CATSPERB: variants seen among roughly 807,000 people sequenced by gnomAD.
CATSPERB encodes the protein catsper channel auxiliary subunit beta, also known as cation channel sperm-associated auxiliary subunit beta.
A neutral mutation model predicts 128.3 loss-of-function variants in CATSPERB; 93 were observed. The observed-to-expected ratio is 0.72, with a 90% CI of 0.61 to 0.86. The LOEUF (loss-of-function observed/expected upper bound fraction) is 0.86. CATSPERB is among the 40% of genes least tolerant of loss of function. The pLI, the probability that CATSPERB is intolerant of heterozygous loss-of-function variation, is 0.00. For synonymous variants in CATSPERB, 381 were observed against 448.8 expected (o/e 0.85, Z 1.91); for missense variants, 1,153 against 1,329.5 (o/e 0.87, Z 2.06).
intron 15 of CATSPERB, among the ~76,000 whole-genome samples, chr14:91,648,224 T>C (rs1270515259): frequency 6.6e-6 from 1 of 152,198 alleles, no homozygotes; most frequent in Non-Finnish European, 1.5e-5. Flanking sequence ...AAATCTTACA[T>C]TTTCCAGTAT....
chr14:91,700,065 T>C (rs1433787586), intron 7 of CATSPERB, among the ~76,000 whole-genome samples: 1 of 152,128 alleles, frequency 6.6e-6, no homozygotes, highest in African/African-American at 2.4e-5. Context: ...ATATTTCTCC[T>C]AATGCTATCC....
intron 22 of CATSPERB, among the ~76,000 whole-genome samples, chr14:91,595,460 C>A (rs1211499978): frequency 6.6e-6 from 1 of 152,106 alleles, no homozygotes; most frequent in African/African-American, 2.4e-5. Context: ...AGCCACCGCA[C>A]CCAGCCCAGA....
chr14:91,686,775 C>T (rs1264494059), intron 10 of CATSPERB, among the ~76,000 whole-genome samples: 1 of 152,130 alleles, frequency 6.6e-6, no homozygotes, highest in Non-Finnish European at 1.5e-5. Context: ...ATCTATATGT[C>T]TGGACACATA....
intron 22 of CATSPERB, chr14:91,605,378 G>A (rs1893681524): frequency 6.8e-6 from 4 of 590,192 alleles, no homozygotes; most frequent in Non-Finnish European, 9.0e-6. Flanking sequence ...AAAGGTTAAG[G>A]TGGCTTTAAG....
At position 91,731,237 on chromosome 14, in the gene CATSPERB, T is replaced by C. The variant is rs1167464617; in HGVS notation, c.-1+693A>G. Among the ~76,000 whole-genome samples the C allele has an allele frequency of 3.3e-5, 5 of 152,242 alleles. No homozygotes were observed. In the South Asian group the frequency reaches 8.3e-4, roughly 25 times the overall value. On this transcript the variant is annotated intron_variant, in intron 1 of 26. Transcript: ENST00000256343. ...ATGTCAGCAAGCTTGTTCTGCAAGC[T>C]TTCTTATCTGCCATCCTGCAAGCTC...
intron 22 of CATSPERB, 23 bp from the exon 23 acceptor site, chr14:91,592,025 T>G: frequency 6.8e-7 from 1 of 1,468,672 alleles, no homozygotes; most frequent in Non-Finnish European, 9.5e-7. Flanking sequence ...GTAACAGATG[T>G]TGACTTGTTT....
At chr14:91,645,907 G>A (rs1450715011) in intron 15 of CATSPERB, among the ~76,000 whole-genome samples, 5 of 145,842 alleles carry the variant, frequency 3.4e-5, no homozygotes, top group African/African-American at 7.6e-5. Context: ...ATATAGTCTC[G>A]TGGTGCGCCA....
At chr14:91,589,780 A>C (rs1893365579) in intron 23 of CATSPERB, 111 bp from the exon 24 acceptor site, 1 of 962,870 alleles carries the variant, frequency 1.0e-6, no homozygotes, top group African/African-American at 1.6e-5. Context: ...GTTCAATGAC[A>C]TGTGCTCCTG....
chr14:91,603,504 A>T, intron 22 of CATSPERB: 1 of 1,026,248 alleles, frequency 9.7e-7, no homozygotes, highest in East Asian at 2.4e-5. Context: ...AAAACTCTGC[A>T]GCTGAAATGC....
chr14:91,619,122 A>G (rs180828101), intron 19 of CATSPERB, among the ~76,000 whole-genome samples: 1 of 152,332 alleles, frequency 6.6e-6, no homozygotes, highest in African/African-American at 2.4e-5. Context: ...GGTGTTGGTG[A>G]CAGAATATAG....
At chr14:91,696,688 C>T (rs888680112) in intron 7 of CATSPERB, among the ~76,000 whole-genome samples, 5 of 151,994 alleles carry the variant, frequency 3.3e-5, no homozygotes, top group South Asian at 2.1e-4. Context: ...TCTATCCTAA[C>T]GGATACAATC....
chr14:91,660,125 C>T (rs1894851790), intron 14 of CATSPERB, 144 bp from the exon 15 acceptor site: 2 of 615,206 alleles, frequency 3.3e-6, no homozygotes, highest in Non-Finnish European at 5.6e-6. Context: ...CTCACACACA[C>T]ACACACACAC....
chr14:91,673,881 CAAAAA>C (rs139506642), intron 12 of CATSPERB, among the ~76,000 whole-genome samples: 3 of 136,448 alleles, frequency 2.2e-5, no homozygotes, highest in Non-Finnish European at 3.2e-5. Flanking sequence ...GACTCTGTCT[CAAAAA>C]AAAAAAAAAT....
At chr14:91,705,070 T>C (rs1895713347) in intron 6 of CATSPERB, among the ~76,000 whole-genome samples, 1 of 152,196 alleles carries the variant, frequency 6.6e-6, no homozygotes, top group African/African-American at 2.4e-5. Context: ...TTACTTTTTG[T>C]TCTCTTCCCA....
intron 11 of CATSPERB, among the ~76,000 whole-genome samples, chr14:91,682,326 C>T (rs1042750142): frequency 2.0e-5 from 3 of 152,164 alleles, no homozygotes; most frequent in Non-Finnish European, 4.4e-5. Flanking sequence ...ATATGCTGTA[C>T]ACAGTGGTGT....
intron 17 of CATSPERB, among the ~76,000 whole-genome samples, chr14:91,634,515 A>T (rs1423529251): frequency 2.6e-5 from 4 of 151,892 alleles, no homozygotes; most frequent in Non-Finnish European, 2.9e-5. Flanking sequence ...ACTACTGGTT[A>T]TCTACCCAAA....
chr14:91,629,342 G>T (rs75357765), intron 17 of CATSPERB, among the ~76,000 whole-genome samples: 1,588 of 152,308 alleles, frequency 0.01, 32 homozygotes, highest in African/African-American at 0.037. Flanking sequence ...ACAGCAAAAA[G>T]ATCGGTGGTT....
At chr14:91,722,863 T>C (rs1048553147) in intron 4 of CATSPERB, among the ~76,000 whole-genome samples, 186 bp downstream of exon 4, 2 of 152,130 alleles carry the variant, frequency 1.3e-5, no homozygotes, top group Admixed American at 1.3e-4. Context: ...AATAAGTATT[T>C]CTTCTTCTTT....
chr14:91,692,038 G>A (rs997609926), intron 9 of CATSPERB, among the ~76,000 whole-genome samples: 3 of 152,164 alleles, frequency 2.0e-5, no homozygotes, highest in East Asian at 3.9e-4. Context: ...TTAACTGGGC[G>A]TGGTGGTGCA....
Sources: gnomAD v4.1 joint callset for allele counts (sites outside exome capture counted in the v4.1 genomes callset) on GRCh38, gnomAD v4.1.1 for gene constraint, MANE v1.5 for transcripts, NCBI Gene and HGNC (gene_info 2026-07-23, HGNC 2026-07-21) for gene names.